The following STOX2 variants were observed in gnomAD, a reference collection of about 807,000 sequenced individuals.
STOX2 encodes the protein storkhead-box protein 2.
A neutral mutation model predicts 60.9 loss-of-function variants in STOX2; 28 were observed. The ratio of observed to expected loss-of-function variants is 0.46; its 90% CI spans 0.34 to 0.63. STOX2 has a LOEUF of 0.63. Ranked by LOEUF, STOX2 falls within the 30% of genes least tolerant of loss-of-function variation. STOX2 has a pLI of 0.01. For missense variants in STOX2, 1,024 were observed against 1,187.7 expected (o/e 0.86, Z 2.03); for synonymous variants, 472 against 463.9 (o/e 1.02, Z -0.22).
intron 1 of STOX2, chr4:183,987,693 C>T (rs1274786010): frequency 6.6e-6 from 1 of 152,212 alleles, no homozygotes; most frequent in East Asian, 1.9e-4. Context: ...TGGGTGAGCT[C>T]CACCGCTGCC....
At chr4:183,890,252 AG>A (rs1320211001) in intron 1 of STOX2, among the ~76,000 whole-genome samples, 2 of 152,082 alleles carry the variant, frequency 1.3e-5, no homozygotes, top group African/African-American at 4.8e-5. Context: ...TGAAAGGCCG[AG>A]GTGGGCAGAT....
chr4:183,828,731 C>T (rs1247001968), intron 1 of STOX2, among the ~76,000 whole-genome samples: 2 of 152,174 alleles, frequency 1.3e-5, no homozygotes, highest in African/African-American at 4.8e-5. Context: ...AAAAAATGAA[C>T]TTCTGTGAAA....
At chr4:183,915,724 A>C (rs1741913068) in intron 1 of STOX2, among the ~76,000 whole-genome samples, 1 of 152,186 alleles carries the variant, frequency 6.6e-6, no homozygotes. Flanking sequence ...GATGGGAGTG[A>C]TGTGTTTACA....
At chr4:183,848,469 T>A (rs1351677653) in intron 1 of STOX2, among the ~76,000 whole-genome samples, 1 of 152,148 alleles carries the variant, frequency 6.6e-6, no homozygotes, top group Non-Finnish European at 1.5e-5. Flanking sequence ...TGTTCACTCG[T>A]ATATCCATCA....
At chr4:183,988,107 G>T (rs570136631) in intron 1 of STOX2, among the ~76,000 whole-genome samples, 1 of 152,034 alleles carries the variant, frequency 6.6e-6, no homozygotes, top group Non-Finnish European at 1.5e-5. Flanking sequence ...CGCGCCTGGG[G>T]TACATTCTGA....
chr4:183,892,301 C>G (rs568513448), intron 1 of STOX2, among the ~76,000 whole-genome samples: 1 of 152,152 alleles, frequency 6.6e-6, no homozygotes, highest in African/African-American at 2.4e-5. Flanking sequence ...TTTTTTGAGA[C>G]GGAGTCTCGC....
chr4:183,961,591 A>T (rs748477523), intron 1 of STOX2, among the ~76,000 whole-genome samples: 1 of 152,222 alleles, frequency 6.6e-6, no homozygotes, highest in Non-Finnish European at 1.5e-5. Context: ...ATTCAGCGGT[A>T]CAAGTGCAGT....
intron 1 of STOX2, among the ~76,000 whole-genome samples, chr4:183,845,251 G>A (rs931464585): frequency 1.3e-5 from 2 of 152,188 alleles, no homozygotes; most frequent in African/African-American, 4.8e-5. Context: ...AAGGACTAGG[G>A]ATAGGGATGG....
At chr4:183,835,080 C>T (rs1348808414) in intron 1 of STOX2, among the ~76,000 whole-genome samples, 2 of 151,422 alleles carry the variant, frequency 1.3e-5, no homozygotes, top group Non-Finnish European at 2.9e-5. Flanking sequence ...TGAATTCTAG[C>T]TCCTCTTCTT....
At chr4:183,881,737 C>T (rs952559309) in intron 1 of STOX2, among the ~76,000 whole-genome samples, 1 of 152,140 alleles carries the variant, frequency 6.6e-6, no homozygotes, top group African/African-American at 2.4e-5. Context: ...TTGTATTGCT[C>T]TCATCCTCAC....
intron 1 of STOX2, among the ~76,000 whole-genome samples, chr4:183,963,506 A>T (rs562791817): frequency 2.0e-5 from 3 of 150,548 alleles, no homozygotes; most frequent in Non-Finnish European, 4.4e-5. Flanking sequence ...TGCTCACTGT[A>T]AACTCTGCCT....
rs1734135003 is a variant in STOX2 at position 184,010,984 on chromosome 4, T to C, written c.2146T>C (p.Tyr716His). 6.2e-7 allele frequency: 1 copy of C among 1,613,416 alleles called. No homozygotes were observed. The highest frequency in any genetic ancestry group is 8.5e-7 in the Non-Finnish European group (1 of 1,179,664). ...PLHSTLSVNS[Y>H]HKSSLSLLKS... ...TCACAGCACCTTGTCTGTAAACAGC[T>C]ATCACAAGTCGAGCCTGTCCCTCCT... Residue 716 changes from tyrosine to histidine, a missense_variant, in exon 3 of 4, where the codon TAT (tyrosine) becomes CAT (histidine). Tyr to His is a moderately conservative substitution (Grantham distance 83). This residue lies in a region of STOX2 where 922 missense variants were observed against 1,058.3 expected (regional missense o/e 0.87). Transcript: ENST00000308497. The surrounding 1 kb of genome is among the most constrained non-coding windows in gnomAD (Gnocchi z 4.5).
intron 1 of STOX2, among the ~76,000 whole-genome samples, chr4:183,864,883 A>C (rs918965637): frequency 2.0e-5 from 3 of 152,232 alleles, no homozygotes; most frequent in Middle Eastern, 3.4e-3. Context: ...TAATCTTCCC[A>C]AAAAACTTCA....
At chr4:183,939,345 T>C (rs1742685795) in intron 1 of STOX2, among the ~76,000 whole-genome samples, 1 of 152,240 alleles carries the variant, frequency 6.6e-6, no homozygotes, top group Non-Finnish European at 1.5e-5. Flanking sequence ...ATCTCTCCAG[T>C]GTCTGCCTCT....
intron 1 of STOX2, among the ~76,000 whole-genome samples, chr4:183,961,805 G>T (rs1009092406): frequency 2.8e-4 from 43 of 152,322 alleles, no homozygotes; most frequent in Non-Finnish European, 1.0e-4. Context: ...GCATAGCTAG[G>T]TTTTTAAATA....
rs1741624432 is a variant in STOX2 at position 183,906,732 on chromosome 4, C to A, written c.-59C>A. ...TGCCCGCCGTAGACGGATGAAGGAGCGCGCTGCGCCCCGGCGCTGAGGCCC... is the reference window on the plus strand; with the variant it reads ...TGCCCGCCGTAGACGGATGAAGGAGAGCGCTGCGCCCCGGCGCTGAGGCCC... On this transcript the variant is annotated 5_prime_UTR_variant, in exon 1 of 4. Coordinates refer to ENST00000308497, the MANE Select transcript of STOX2 (RefSeq NM_020225.3). 2 of 1,435,778 alleles carry A rather than the reference C, an allele frequency of 1.4e-6. No homozygotes were observed. Among genetic ancestry groups the A allele is most frequent in the Admixed American group, 2.7e-5 (1 of 36,894 alleles). 88.9% of individuals were successfully genotyped at this position (1,435,778 alleles called of 1,614,324 possible).
chr4:183,945,252 G>A (rs946352382), intron 1 of STOX2, among the ~76,000 whole-genome samples: 9 of 152,178 alleles, frequency 5.9e-5, no homozygotes, highest in African/African-American at 1.7e-4. Flanking sequence ...AAAAGGGAAC[G>A]TAGGAGAATT....
intron 1 of STOX2, among the ~76,000 whole-genome samples, chr4:183,818,913 C>T (rs1001144760): frequency 5.9e-5 from 9 of 151,654 alleles, no homozygotes; most frequent in South Asian, 4.2e-4. Flanking sequence ...GATGGGATGG[C>T]GGCCGGGAAG....
chr4:183,928,357 A>G (rs2111110757), intron 1 of STOX2, among the ~76,000 whole-genome samples: 1 of 152,338 alleles, frequency 6.6e-6, no homozygotes, highest in Non-Finnish European at 1.5e-5. Flanking sequence ...AACAAAATGA[A>G]ACAGCAAAAA....
Sources: gnomAD v4.1 joint callset for allele counts (sites outside exome capture counted in the v4.1 genomes callset) on GRCh38, gnomAD v4.1.1 for gene constraint, gnomAD v4.1.1 regional missense constraint, Gnocchi (gnomAD v3.1) non-coding constraint, MANE v1.5 for transcripts, NCBI Gene and HGNC (gene_info 2026-07-23, HGNC 2026-07-21) for gene names.